The following PAK6 variants were observed in gnomAD, a reference collection of about 807,000 sequenced individuals.
PAK6 encodes the protein p21 (RAC1) activated kinase 6, also known as serine/threonine-protein kinase PAK 6.
PAK6 carries 33 observed loss-of-function variants against 60.8 expected under a neutral mutation model. The observed-to-expected ratio is 0.54, with a 90% CI of 0.41 to 0.73. PAK6 has a LOEUF of 0.73. Among genes scored for constraint, PAK6 ranks in the 30% least tolerant of loss-of-function variants. The probability of loss-of-function intolerance (pLI) is 0.00; values close to 1 mark genes in which losing one functional copy is unlikely to be tolerated. For synonymous variants in PAK6, 404 were observed against 378.5 expected (o/e 1.07, Z -0.78); for missense variants, 845 against 904.1 (o/e 0.93, Z 0.84).
chr15:40,272,509 A>C, exon 6 of PAK6: 2 of 1,613,808 alleles, frequency 1.2e-6, no homozygotes, highest in East Asian at 4.5e-5. Flanking sequence ...TGGTGAGGAC[A>C]CAGGTGTTGT....
intron 2 of PAK6, 51 bp from the exon 3 acceptor site, chr15:40,253,127 G>T: frequency 2.3e-6 from 1 of 438,176 alleles, no homozygotes; most frequent in Admixed American, 2.4e-5. Context: ...AACACCCGCG[G>T]GAACACTTGC....
exon 4 of PAK6, chr15:40,264,791 C>A: frequency 1.2e-6 from 2 of 1,613,724 alleles, no homozygotes; most frequent in South Asian, 2.2e-5. Flanking sequence ...GCACCATGTT[C>A]CGCAAGAAAA....
intron 3 of PAK6, chr15:40,259,475 T>C (rs2038925431): frequency 6.6e-6 from 1 of 152,216 alleles, no homozygotes; most frequent in Non-Finnish European, 1.5e-5. Flanking sequence ...TGGATCACTC[T>C]TCTCTGTATT....
intron 2 of PAK6, among the ~76,000 whole-genome samples, chr15:40,242,873 T>C (rs1381815625): frequency 6.6e-6 from 1 of 152,156 alleles, no homozygotes; most frequent in Non-Finnish European, 1.5e-5. Context: ...ATGACAGCCA[T>C]GGCCTGACTA....
chr15:40,265,800 A>C (rs2039110436), intron 4 of PAK6, 42 bp from the exon 5 acceptor site: 1 of 1,493,240 alleles, frequency 6.7e-7, no homozygotes, highest in South Asian at 1.4e-5. Context: ...TCCCTGCCAC[A>C]ATTGGGCAGC....
At chr15:40,263,696 C>G (rs997811461) in intron 3 of PAK6, 2 of 324,378 alleles carry the variant, frequency 6.2e-6, no homozygotes, top group Admixed American at 3.8e-5. Context: ...CTCACTGCAG[C>G]CTCAGCCTCC....
intron 3 of PAK6, chr15:40,258,351 A>G (rs937119640): frequency 5.9e-5 from 9 of 152,294 alleles, no homozygotes; most frequent in African/African-American, 2.2e-4. Context: ...TGGACGGAGC[A>G]GGGGCTCTGG....
At chr15:40,252,156 T>C (rs2038686850) in intron 2 of PAK6, 2 of 647,188 alleles carry the variant, frequency 3.1e-6, no homozygotes, top group Non-Finnish European at 4.4e-6. Flanking sequence ...GTTTTCCGAC[T>C]CCCGCGTGGG....
Position 40,265,961 on chromosome 15 carries a change from G to A in PAK6, c.324G>A (p.Arg108=), listed in dbSNP as rs1278514374. Residue 108 remains arginine, a synonymous_variant, in exon 5 of 11, where the codon CGG becomes CGA. Coordinates refer to ENST00000560346, the Ensembl canonical transcript of PAK6. ...TGCGTGGCCGCAGCCCCACCAGCCG[G>A]CGGCGGGCACAGTCCCTGGGGCTGC... is the stretch of plus-strand genomic sequence containing the variant. 3 of 1,605,304 alleles carry A rather than the reference G, an allele frequency of 1.9e-6. No individual in the cohort carries two copies. The Admixed American group carries it at 5.1e-5, about 27-fold the overall frequency.
intron 2 of PAK6, chr15:40,247,332 T>C (rs780010947): frequency 4.6e-5 from 7 of 152,240 alleles, no homozygotes; most frequent in Non-Finnish European, 1.0e-4. Flanking sequence ...GCAAAGCAAT[T>C]GTAGCGAAAA....
upstream of PAK6, chr15:40,239,094 C>T (rs1037299636): frequency 3.3e-5 from 5 of 152,250 alleles, no homozygotes; most frequent in African/African-American, 1.2e-4. Flanking sequence ...GCGCCCCAAA[C>T]GAGCAGGTCG....
At chr15:40,273,274 T>A (rs2039360332) in intron 7 of PAK6, 72 bp from the exon 8 acceptor site, 1 of 1,559,498 alleles carries the variant, frequency 6.4e-7, no homozygotes, top group South Asian at 1.2e-5. Context: ...GGACTCCTAC[T>A]CTGCTCAGCC....
chr15:40,243,160 C>T (rs1322668981), intron 2 of PAK6, among the ~76,000 whole-genome samples: 1 of 152,132 alleles, frequency 6.6e-6, no homozygotes, highest in Non-Finnish European at 1.5e-5. Context: ...TACTGGGCAA[C>T]GGTTCTTAAC....
chr15:40,254,798 C>T (rs533137629), intron 3 of PAK6, among the ~76,000 whole-genome samples: 11 of 152,298 alleles, frequency 7.2e-5, no homozygotes, highest in Non-Finnish European at 1.0e-4. Context: ...ACAGAGCTCG[C>T]AGTAGCTACA....
chr15:40,268,902 C>T (rs1283377595), intron 5 of PAK6, among the ~76,000 whole-genome samples: 3 of 152,206 alleles, frequency 2.0e-5, no homozygotes, highest in African/African-American at 4.8e-5. Context: ...TCAGCAGCCA[C>T]GGGCGTCCTG....
intron 3 of PAK6, among the ~76,000 whole-genome samples, chr15:40,254,165 C>G (rs1193505751): frequency 1.3e-5 from 2 of 152,190 alleles, no homozygotes; most frequent in East Asian, 3.8e-4. Flanking sequence ...TGCTTCACTT[C>G]TCTACAAACT....
At chr15:40,265,104 A>G in intron 4 of PAK6, 115 bp downstream of exon 4, 1 of 962,514 alleles carries the variant, frequency 1.0e-6, no homozygotes, top group South Asian at 1.7e-5. Flanking sequence ...CTATCAGTTA[A>G]TCAGCTGTTT....
intron 2 of PAK6, chr15:40,252,895 C>A: frequency 1.6e-6 from 2 of 1,214,132 alleles, no homozygotes; most frequent in Non-Finnish European, 1.0e-6. Flanking sequence ...GCATTCGCGT[C>A]CCCGAGAGGG....
chr15:40,263,020 C>CCAGA (rs1426020490), intron 3 of PAK6, among the ~76,000 whole-genome samples: 2 of 152,090 alleles, frequency 1.3e-5, no homozygotes, highest in African/African-American at 2.4e-5. Flanking sequence ...ACCTCAAGAC[C>CCAGA]CAGAAGCATG....
Sources: allele counts gnomAD v4.1 joint callset (sites outside exome capture counted in the v4.1 genomes callset), GRCh38; gene constraint gnomAD v4.1.1; transcripts MANE v1.5; gene names NCBI Gene and HGNC (gene_info 2026-07-23, HGNC 2026-07-21).